Variants in ADAD1 observed in about 807,000 individuals in gnomAD.
ADAD1 encodes the protein adenosine deaminase domain containing 1, also known as adenosine deaminase domain-containing protein 1.
ADAD1 carries 46 observed loss-of-function variants against 66.8 expected under a neutral mutation model. The observed-to-expected ratio is 0.69, with a 90% confidence interval of 0.54 to 0.88. ADAD1 has a LOEUF of 0.88. Ranked by LOEUF, ADAD1 falls within the 40% of genes least tolerant of loss-of-function variation. The probability of loss-of-function intolerance (pLI) is 0.00; values close to 1 mark genes in which losing one functional copy is unlikely to be tolerated. For synonymous variants in ADAD1, 248 were observed against 229.4 expected (o/e 1.08, Z -0.73); for missense variants, 617 against 681.8 (o/e 0.91, Z 1.06).
chr4:122,410,682 C>A (rs1796427138), intron 8 of ADAD1, among the ~76,000 whole-genome samples: 1 of 152,110 alleles, frequency 6.6e-6, no homozygotes, highest in South Asian at 2.1e-4. Flanking sequence ...TTGAAACATA[C>A]AATAAATTAT....
chr4:122,382,777 T>C (rs773426627), intron 4 of ADAD1, among the ~76,000 whole-genome samples: 7 of 152,172 alleles, frequency 4.6e-5, no homozygotes, highest in Non-Finnish European at 1.0e-4. Flanking sequence ...CAAAATTCTC[T>C]CTGATTTAGT....
chr4:122,418,486 C>T (rs920135030), intron 11 of ADAD1, among the ~76,000 whole-genome samples: 1 of 151,946 alleles, frequency 6.6e-6, no homozygotes, highest in Non-Finnish European at 1.5e-5. Flanking sequence ...CCACACCCAG[C>T]TAATTTTTTG....
At chr4:122,402,889 C>T (rs1266216480) in intron 7 of ADAD1, among the ~76,000 whole-genome samples, 1 of 152,016 alleles carries the variant, frequency 6.6e-6, no homozygotes, top group Admixed American at 6.6e-5. Context: ...ACTTTTTTAT[C>T]CATACCCTAT....
At chr4:122,396,500 T>A in intron 7 of ADAD1, 123 bp downstream of exon 7, 1 of 763,304 alleles carries the variant, frequency 1.3e-6, no homozygotes, top group South Asian at 3.0e-5. Flanking sequence ...TTCTAGTAAG[T>A]GTGGGTCATT....
chr4:122,404,763 C>T (rs1478542359), intron 7 of ADAD1, among the ~76,000 whole-genome samples: 1 of 152,006 alleles, frequency 6.6e-6, no homozygotes, highest in Non-Finnish European at 1.5e-5. Flanking sequence ...CTATAAGAAG[C>T]TATCAGATCT....
rs558969743 is a variant in ADAD1, at chr4:122,387,544, T to C, written c.529+3578T>C. On this transcript the variant is annotated intron_variant, in intron 5 of 12. Transcript: ENST00000296513. ...ATACCTTTTATTTCTTTCTCTTCCC[T>C]GATTGCCCTGGCCAGAACTTCCAAA... Among the ~76,000 whole-genome samples the C allele has an allele frequency of 1.5e-3, 223 of 152,196 alleles. 1 individual carries two copies. The highest frequency in any genetic ancestry group is 2.8e-3 in the Admixed American group (43 of 15,288).
At chr4:122,396,168 G>C (rs1274301945) in intron 6 of ADAD1, 84 bp from the exon 7 acceptor site, 2 of 1,154,606 alleles carry the variant, frequency 1.7e-6, no homozygotes, top group Non-Finnish European at 2.3e-6. Context: ...TAAATAATTT[G>C]ATTGTAAGGT....
At chr4:122,398,317 G>GGTGTGTGT (rs112075307) in intron 7 of ADAD1, among the ~76,000 whole-genome samples, 35 of 148,580 alleles carry the variant, frequency 2.4e-4, no homozygotes, top group African/African-American at 7.4e-4. Context: ...AGTATTCCAG[G>GGTGTGTGT]GTGTGTGTGT....
In ADAD1 at chr4:122,396,472, T is replaced by C. The variant is rs548854273; in HGVS notation, c.724+95T>C. The stretch of plus-strand genomic sequence containing the variant: ...TGCCCCTGTACACAATGGTGTTGCA[T>C]TGATTTGAAGTGACTTTTTCTAGTA... On this transcript the variant is annotated intron_variant, in intron 7 of 12. Transcript: ENST00000296513. 56 of 1,099,648 alleles carry C rather than the reference T, an allele frequency of 5.1e-5. No individual in the cohort carries two copies. The African/African-American group carries it at 6.1e-4, about 12-fold the overall frequency. 68.1% of individuals were successfully genotyped at this position (1,099,648 alleles called of 1,614,324 possible). A position where few individuals can be genotyped will look rare whatever the true frequency, so the allele number is the denominator to read the frequency against.
chr4:122,393,115 T>C lies in ADAD1; in HGVS notation c.530-474T>C, dbSNP rs142761407. 1.7e-4 allele frequency among the ~76,000 whole-genome samples: 26 copies of C among 151,514 alleles called. No individual in the cohort carries two copies. In the East Asian group the frequency reaches 4.8e-3, roughly 28 times the overall value. ...GTACTCCCTAACTTTGGAGACCAAA[T>C]TGAAAAGCAGTTGTAAAGAGTGAGA... On this transcript the variant is annotated intron_variant, in intron 5 of 12. Transcript: ENST00000296513.
chr4:122,421,134 A>T (rs1796983032), intron 11 of ADAD1, 127 bp from the exon 12 acceptor site: 1 of 643,428 alleles, frequency 1.6e-6, no homozygotes, highest in East Asian at 4.1e-5. Flanking sequence ...ATGTAAAAAA[A>T]AAATTACTAT....
intron 8 of ADAD1, among the ~76,000 whole-genome samples, chr4:122,408,679 G>A (rs1168662452): frequency 6.6e-6 from 1 of 151,942 alleles, no homozygotes; most frequent in Non-Finnish European, 1.5e-5. Flanking sequence ...GAGTACAAGA[G>A]TTCGAGACCA....
intron 12 of ADAD1, among the ~76,000 whole-genome samples, chr4:122,423,523 A>T (rs62321757): frequency 0.053 from 8,064 of 152,286 alleles, 272 homozygotes; most frequent in Non-Finnish European, 0.074. Flanking sequence ...TGATCAGAAG[A>T]TGGTAGAAGT....
intron 5 of ADAD1, among the ~76,000 whole-genome samples, chr4:122,386,634 G>A (rs939914177): frequency 1.3e-5 from 2 of 152,164 alleles, no homozygotes; most frequent in African/African-American, 4.8e-5. Flanking sequence ...GAATGGTATT[G>A]CCTAGGTTTT....
chr4:122,420,673 A>T (rs1796962623), intron 11 of ADAD1, among the ~76,000 whole-genome samples: 1 of 152,224 alleles, frequency 6.6e-6, no homozygotes, highest in Non-Finnish European at 1.5e-5. Flanking sequence ...ATGAGAAGAT[A>T]CAATAAAGGG....
At chr4:122,381,311 TG>T (rs1215756644) in intron 4 of ADAD1, 131 bp downstream of exon 4, 11 of 940,362 alleles carry the variant, frequency 1.2e-5, no homozygotes, top group Middle Eastern at 2.4e-4. Flanking sequence ...AATACTTAAA[TG>T]TTTATGTTCA....
chr4:122,420,256 A>G (rs917289943), intron 11 of ADAD1, among the ~76,000 whole-genome samples: 5 of 152,332 alleles, frequency 3.3e-5, no homozygotes, highest in African/African-American at 4.8e-5. Flanking sequence ...GTTTAAAACA[A>G]CTATTGTTAC....
At chr4:122,416,001 C>T (rs1209708883) in intron 11 of ADAD1, among the ~76,000 whole-genome samples, 2 of 152,076 alleles carry the variant, frequency 1.3e-5, no homozygotes, top group African/African-American at 2.4e-5. Context: ...GACTTTGGAT[C>T]TGGGACTCAG....
rs1246113074 is a variant in ADAD1, at chr4:122,387,748, T to A, written c.529+3782T>A. The stretch of plus-strand genomic sequence containing the variant: ...TACCTTATATATTGAGAGGTTTTTT[T>A]TTTTTGTTTTTTGTTTTTTGTTTTT... On this transcript the variant is annotated intron_variant, in intron 5 of 12. Transcript: ENST00000296513. Among the ~76,000 whole-genome samples, 21 of 149,900 alleles carry A rather than the reference T, an allele frequency of 1.4e-4. 1 individual carries two copies. The highest frequency in any genetic ancestry group is 1.4e-3 in the Admixed American group (21 of 15,050).
Sources: gnomAD v4.1 joint callset for allele counts (sites outside exome capture counted in the v4.1 genomes callset) on GRCh38, gnomAD v4.1.1 for gene constraint, MANE v1.5 for transcripts, NCBI Gene and HGNC (gene_info 2026-07-23, HGNC 2026-07-21) for gene names.